Variants in EXT1 observed in about 807,000 individuals in gnomAD.
The protein encoded by EXT1 is exostosin-1.
Under a neutral mutation model 82.5 loss-of-function variants are expected in EXT1, and 20 were observed. The observed-to-expected ratio is 0.24, with a 90% CI of 0.17 to 0.35. The LOEUF is 0.35. Ranked by LOEUF, EXT1 falls within the 10% of genes least tolerant of loss-of-function variation. The pLI is 1.00. For missense variants in EXT1, 757 were observed against 936.5 expected, an observed-to-expected ratio of 0.81 and a Z score of 2.50; for synonymous variants, 348 against 350.8, an observed-to-expected ratio of 0.99 and a Z score of 0.09.
At chr8:117,949,605 C>T (rs565945994) in intron 1 of EXT1, among the ~76,000 whole-genome samples, 9 of 151,198 alleles carry the variant, frequency 6.0e-5, no homozygotes, top group African/African-American at 2.2e-4. Context: ...ATCATTTGCA[C>T]AATTACAAAA....
chr8:117,871,395 G>T (rs901779558), intron 1 of EXT1, among the ~76,000 whole-genome samples: 1 of 152,188 alleles, frequency 6.6e-6, no homozygotes, highest in African/African-American at 2.4e-5. Context: ...CCTGTAAGAA[G>T]ACTTTATCCT....
In EXT1 at chr8:118,101,962, A is replaced by C. The variant is rs1050361300; in HGVS notation, c.962+8123T>G. Reference sequence around the variant, plus strand: ...CTATTTCTAATGAGGAAAAAAAAAAAAAACAAGTTAAATATGTAAGAAGGC... The same window carrying C: ...CTATTTCTAATGAGGAAAAAAAAAACAAACAAGTTAAATATGTAAGAAGGC... On this transcript the variant is annotated intron_variant, in intron 1 of 10. Coordinates refer to ENST00000378204, the MANE Select transcript of EXT1 (RefSeq NM_000127.3). 3.9e-5 allele frequency among the ~76,000 whole-genome samples: 6 copies of C among 152,114 alleles called. No individual in the cohort carries two copies. The South Asian group carries it at 8.3e-4, about 21-fold the overall frequency.
intron 1 of EXT1, among the ~76,000 whole-genome samples, chr8:118,023,684 G>A (rs1816151768): frequency 6.6e-6 from 1 of 151,962 alleles, no homozygotes; most frequent in Non-Finnish European, 1.5e-5. Context: ...TCTTTTTTTA[G>A]ACACAAAGAT....
intron 1 of EXT1, among the ~76,000 whole-genome samples, chr8:117,855,452 C>T (rs911299778): frequency 2.6e-5 from 4 of 152,054 alleles, no homozygotes; most frequent in African/African-American, 9.7e-5. Flanking sequence ...TATGTTACTA[C>T]TGTAATTGTT....
intron 1 of EXT1, among the ~76,000 whole-genome samples, chr8:117,984,637 C>A (rs1218042438): frequency 6.6e-6 from 1 of 152,034 alleles, no homozygotes; most frequent in Non-Finnish European, 1.5e-5. Flanking sequence ...GCGGGTTGAA[C>A]AAGCATCTGG....
At chr8:118,015,438 C>T (rs534794787) in intron 1 of EXT1, among the ~76,000 whole-genome samples, 3 of 152,078 alleles carry the variant, frequency 2.0e-5, no homozygotes, top group East Asian at 1.9e-4. Flanking sequence ...CAAAATTCCA[C>T]GATCTAAAGT....
intron 1 of EXT1, among the ~76,000 whole-genome samples, chr8:117,885,519 A>G (rs1287171039): frequency 6.6e-6 from 1 of 151,612 alleles, no homozygotes. Flanking sequence ...AAAAGAAAGA[A>G]AGAAATCTAG....
At chr8:117,941,781 T>G (rs1814277246) in intron 1 of EXT1, among the ~76,000 whole-genome samples, 1 of 152,194 alleles carries the variant, frequency 6.6e-6, no homozygotes. Flanking sequence ...CATTTTATAA[T>G]GAAAACATGA....
intron 1 of EXT1, among the ~76,000 whole-genome samples, chr8:118,000,814 G>A (rs951188766): frequency 2.6e-5 from 4 of 152,168 alleles, no homozygotes; most frequent in African/African-American, 9.7e-5. Context: ...CTCCACGAGA[G>A]AAAGAAAAGA....
chr8:118,027,780 C>A (rs149989506), intron 1 of EXT1, among the ~76,000 whole-genome samples: 3 of 152,176 alleles, frequency 2.0e-5, no homozygotes, highest in Non-Finnish European at 4.4e-5. Context: ...TTCCCACCAA[C>A]GTAAATGACG....
chr8:117,981,920 G>A (rs569141808), intron 1 of EXT1, among the ~76,000 whole-genome samples: 2 of 151,434 alleles, frequency 1.3e-5, no homozygotes, highest in African/African-American at 4.8e-5. Flanking sequence ...AAGGAGGGAG[G>A]GAGGGAAAAA....
intron 4 of EXT1, 126 bp downstream of exon 4, chr8:117,830,103 AT>A: frequency 8.3e-7 from 1 of 1,204,758 alleles, no homozygotes; most frequent in Non-Finnish European, 1.2e-6. Context: ...TAACCAATAT[AT>A]CCAAGTACAG....
Position 118,111,258 on chromosome 8 carries a change from TTGGGTTGCACAA to T in EXT1, c.-224_-213del. On this transcript the variant is annotated 5_prime_UTR_variant, in exon 1 of 11. Coordinates refer to ENST00000378204, the MANE Select transcript of EXT1 (RefSeq NM_000127.3). ...CTTTCTCCCCTTCGGTCTTTCATCTTTGGGTTGCACAATGCACGGGAGAGAGCGGGGCTGAAT... is the reference window on the plus strand; with the variant it reads ...CTTTCTCCCCTTCGGTCTTTCATCTTTGCACGGGAGAGAGCGGGGCTGAAT... 1 of 728,558 alleles carries T rather than the reference TTGGGTTGCACAA, an allele frequency of 1.4e-6. No homozygotes were observed. The highest frequency in any genetic ancestry group is 2.7e-5 in the East Asian group (1 of 37,204). The allele number at this position is 728,558 out of a possible 1,614,324, so 45.1% of individuals were successfully genotyped here.
chr8:117,902,971 T>A (rs993644737), intron 1 of EXT1, among the ~76,000 whole-genome samples: 5 of 152,248 alleles, frequency 3.3e-5, no homozygotes, highest in African/African-American at 1.2e-4. Context: ...GTTGTTTTCT[T>A]TTTATTCCAC....
chr8:117,929,876 G>C (rs1370837177), intron 1 of EXT1, among the ~76,000 whole-genome samples: 1 of 152,224 alleles, frequency 6.6e-6, no homozygotes, highest in Non-Finnish European at 1.5e-5. Context: ...GGGAGGCCAA[G>C]GCAGGCGTAT....
chr8:118,024,199 G>A (rs550758355), intron 1 of EXT1, among the ~76,000 whole-genome samples: 1 of 152,340 alleles, frequency 6.6e-6, no homozygotes, highest in African/African-American at 2.4e-5. Flanking sequence ...TGTAAACCCT[G>A]TAAGCTAATA....
chr8:117,814,461 C>T (rs544051319), intron 7 of EXT1, among the ~76,000 whole-genome samples: 55 of 152,192 alleles, frequency 3.6e-4, no homozygotes, highest in African/African-American at 1.2e-3. Context: ...TATATATCAT[C>T]GTGTTTCATC....
intron 1 of EXT1, among the ~76,000 whole-genome samples, chr8:117,933,748 G>A (rs768328556): frequency 6.6e-6 from 1 of 152,114 alleles, no homozygotes; most frequent in Non-Finnish European, 1.5e-5. Flanking sequence ...GAAACAGGAG[G>A]CACGGGGCAC....
chr8:117,949,042 T>C (rs1029115042), intron 1 of EXT1, among the ~76,000 whole-genome samples: 1 of 152,232 alleles, frequency 6.6e-6, no homozygotes, highest in Non-Finnish European at 1.5e-5. Flanking sequence ...CAGATAGGCC[T>C]GAATTTTAAA....
Sources: gnomAD v4.1 joint callset for allele counts (sites outside exome capture counted in the v4.1 genomes callset) on GRCh38, gnomAD v4.1.1 for gene constraint, MANE v1.5 for transcripts, NCBI Gene and HGNC (gene_info 2026-07-23, HGNC 2026-07-21) for gene names.